Variants in MRNIP observed in about 807,000 individuals in gnomAD.
MRNIP encodes MRN complex interacting protein.
In MRNIP, 30 loss-of-function variants were observed where a neutral mutation model predicts 29.8. That is an observed-to-expected ratio of 1.01 (90% CI 0.75 to 1.36). The LOEUF is 1.36. Among genes scored for constraint, MRNIP ranks in the 40% most tolerant of loss-of-function variants. The pLI, the probability that MRNIP is intolerant of heterozygous loss-of-function variation, is 0.00. For synonymous variants in MRNIP, 201 were observed against 164.1 expected (o/e 1.23, Z -1.72); for missense variants, 459 against 423.5 (o/e 1.08, Z -0.74).
Position 179,853,426 on chromosome 5 carries a change from A to G in MRNIP, c.78T>C (p.Ser26=), listed in dbSNP as rs780305048. Residue 26 remains serine, a synonymous_variant, in exon 2 of 7, where the codon AGT becomes AGC. Coordinates refer to ENST00000292586, the MANE Select transcript of MRNIP (RefSeq NM_016175.4). ...CACAAGCTTTGCATGTCCACTTGAC[A>G]CTCTTTTTTACCTGCAATGAAATTT... The part of the protein sequence containing the change: ...RLFQAHQVKK[S]VKWTCKACGE... The G allele has an allele frequency of 1.2e-6, 2 of 1,609,744 alleles. No homozygotes were observed. Among genetic ancestry groups the G allele is most frequent in the Non-Finnish European group, 8.5e-7 (1 of 1,178,490 alleles).
intron 2 of MRNIP, among the ~76,000 whole-genome samples, chr5:179,851,638 T>TA (rs201678007): frequency 1.3e-5 from 2 of 152,162 alleles, no homozygotes; most frequent in African/African-American, 4.8e-5. Flanking sequence ...TTTATTTATT[T>TA]TTTAACTTTG....
At chr5:179,851,102 T>A in intron 2 of MRNIP, 1 of 408,638 alleles carries the variant, frequency 2.4e-6, no homozygotes, top group South Asian at 1.7e-5. Context: ...GTGTGTTTGT[T>A]ACTGTGGCCT....
chr5:179,849,003 G>A (rs142553100), intron 2 of MRNIP, among the ~76,000 whole-genome samples: 2,417 of 151,902 alleles, frequency 0.016, 60 homozygotes, highest in African/African-American at 0.056. Context: ...GGTACAAGAC[G>A]GAATTTGAGA....
Position 179,847,998 on chromosome 5 carries a change from T to C in MRNIP, c.195A>G (p.Gln65=). Residue 65 remains glutamine (Q), a synonymous_variant, in exon 3 of 7, where the codon CAA becomes CAG. Coordinates refer to ENST00000292586, the MANE Select transcript of MRNIP (RefSeq NM_016175.4). ...TGTACCTGAGTGGCAGCTCTGAAACTTGTCCCTGTAGTAGATTTAACTTTT... is the reference window on the plus strand; with the variant it reads ...TGTACCTGAGTGGCAGCTCTGAAACCTGTCCCTGTAGTAGATTTAACTTTT... ...HVQKLNLLQG[Q]VSELPLRSLE... 1 of 1,612,536 alleles carries C rather than the reference T, an allele frequency of 6.2e-7. No individual in the cohort carries two copies. Among genetic ancestry groups the C allele is most frequent in the Non-Finnish European group, 8.5e-7 (1 of 1,179,046 alleles).
intron 4 of MRNIP, among the ~76,000 whole-genome samples, chr5:179,843,320 T>C (rs1024419852): frequency 1.8e-4 from 27 of 152,032 alleles, no homozygotes; most frequent in Admixed American, 1.4e-3. Flanking sequence ...AGAAGAATGA[T>C]ACAACTCAAA....
At chr5:179,840,690 G>T in intron 6 of MRNIP, 182 bp downstream of exon 6, 1 of 614,912 alleles carries the variant, frequency 1.6e-6, no homozygotes, top group Non-Finnish European at 2.9e-6. Flanking sequence ...GCATGGGAGG[G>T]AAAAGGGGGT....
chr5:179,844,740 A>C (rs1582045157), intron 3 of MRNIP, among the ~76,000 whole-genome samples: 1 of 152,268 alleles, frequency 6.6e-6, no homozygotes, highest in East Asian at 1.9e-4. Flanking sequence ...TTGATTTTAA[A>C]AATCATTTTT....
chr5:179,843,052 A>AGGAAGGAAGGAAGGAAG (rs1554093122), intron 4 of MRNIP, among the ~76,000 whole-genome samples: 1 of 114,574 alleles, frequency 8.7e-6, no homozygotes, highest in Admixed American at 9.3e-5. Flanking sequence ...GAAGGAAGGA[A>AGGAAGGAAGGAAGGAAG]GGAAGGAAGG....
Position 179,858,728 on chromosome 5 carries a change from G to C in MRNIP, c.66+3C>G. 1.3e-6 allele frequency: 2 copies of C among 1,516,768 alleles called. No individual in the cohort carries two copies. The highest frequency in any genetic ancestry group is 2.1e-5 in the Admixed American group (1 of 48,706). The allele number at this position is 1,516,768 out of a possible 1,614,324, so 94.0% of individuals were successfully genotyped here. ...AGGAGGAGGGGGCTGGCACCCGCCAGACCTGGTGCGCCTGGAAGAGGCGGC... is the reference window on the plus strand; with the variant it reads ...AGGAGGAGGGGGCTGGCACCCGCCACACCTGGTGCGCCTGGAAGAGGCGGC... On this transcript the variant is annotated splice_donor_region_variant and intron_variant, in intron 1 of 6. Coordinates refer to ENST00000292586, the MANE Select transcript of MRNIP (RefSeq NM_016175.4).
At chr5:179,844,998 T>A (rs2113551268) in intron 3 of MRNIP, among the ~76,000 whole-genome samples, 1 of 152,340 alleles carries the variant, frequency 6.6e-6, no homozygotes, top group South Asian at 2.1e-4. Flanking sequence ...ATCTCTTCAG[T>A]TATTGCTTTT....
intron 1 of MRNIP, among the ~76,000 whole-genome samples, chr5:179,856,999 T>A (rs991562136): frequency 9.2e-5 from 14 of 152,034 alleles, no homozygotes; most frequent in Non-Finnish European, 1.5e-4. Flanking sequence ...CTGAGGTGGA[T>A]CAGCTGAGCC....
chr5:179,858,755 G>C lies in MRNIP; in HGVS notation c.42C>G (p.Ser14Arg). 1 of 1,533,928 alleles carries C rather than the reference G, an allele frequency of 6.5e-7. No individual in the cohort carries two copies. The highest frequency in any genetic ancestry group is 8.8e-7 in the Non-Finnish European group (1 of 1,139,958). Residue 14 changes from serine (S) to arginine (R), a missense_variant, in exon 1 of 7, where the codon AGC (serine) becomes AGG (arginine). Physicochemically the swap from Ser to Arg is moderately radical, Grantham distance 110 (BLOSUM62 -1). Transcript: ENST00000292586. ...LQRSRVLRCC[S>R]CRLFQAHQVK... The stretch of plus-strand genomic sequence containing the variant: ...CCTGGTGCGCCTGGAAGAGGCGGCA[G>C]CTGCAGCAGCGTAGCACCCGAGAAC...
At chr5:179,858,534 T>C (rs1470036909) in intron 1 of MRNIP, among the ~76,000 whole-genome samples, 197 bp downstream of exon 1, 1 of 152,230 alleles carries the variant, frequency 6.6e-6, no homozygotes, top group African/African-American at 2.4e-5. Context: ...CCATTACCTC[T>C]GGTTTGTACA....
chr5:179,852,823 G>C (rs1251361874), intron 2 of MRNIP, among the ~76,000 whole-genome samples: 1 of 152,190 alleles, frequency 6.6e-6, no homozygotes, highest in Non-Finnish European at 1.5e-5. Context: ...GGGCAATACG[G>C]ATGGACTGAA....
rs755017264 is a variant in MRNIP at position 179,858,803 on chromosome 5, T to C, written c.-7A>G. On this transcript the variant is annotated 5_prime_UTR_variant, in exon 1 of 7. Transcript: ENST00000292586. The stretch of plus-strand genomic sequence containing the variant: ...AACGCTGAAGCGACGCCATCCCTGC[T>C]TGTGCAGTCGCCAGGCAGCCAAGCG... The C allele has an allele frequency of 5.2e-6, 8 of 1,539,264 alleles. No homozygotes were observed. The African/African-American group carries it at 6.9e-5, about 13-fold the overall frequency.
chr5:179,844,464 G>A (rs1759045417), intron 3 of MRNIP: 1 of 446,750 alleles, frequency 2.2e-6, no homozygotes, highest in African/African-American at 2.1e-5. Flanking sequence ...CAAGATTGCT[G>A]GAAGATGGAA....
chr5:179,844,283 T>C, intron 3 of MRNIP, 56 bp from the exon 4 acceptor site: 1 of 1,430,062 alleles, frequency 7.0e-7, no homozygotes. Flanking sequence ...CTGGGCACAG[T>C]GGCTCACTCC....
At chr5:179,845,782 C>T (rs1226439482) in intron 3 of MRNIP, 1 of 152,194 alleles carries the variant, frequency 6.6e-6, no homozygotes, top group Admixed American at 6.5e-5. Flanking sequence ...AGGTGTGAGC[C>T]ACTGCACCCG....
intron 2 of MRNIP, 167 bp downstream of exon 2, chr5:179,853,211 C>G (rs774696814): frequency 5.7e-5 from 88 of 1,535,312 alleles, no homozygotes; most frequent in Admixed American, 3.5e-4. Flanking sequence ...CCAGATTCTG[C>G]TCCATCCATT....
Sources: gnomAD v4.1 joint callset for allele counts (sites outside exome capture counted in the v4.1 genomes callset) on GRCh38, gnomAD v4.1.1 for gene constraint, MANE v1.5 for transcripts, NCBI Gene and HGNC (gene_info 2026-07-23, HGNC 2026-07-21) for gene names.